The following LRP6 variants were observed in gnomAD, a reference collection of about 807,000 sequenced individuals.
The protein encoded by LRP6 is LDL receptor related protein 6, also known as low-density lipoprotein receptor-related protein 6.
A neutral mutation model predicts 184.1 loss-of-function variants in LRP6; 43 were observed. That is an observed-to-expected ratio of 0.23 (90% CI 0.18 to 0.30). LRP6 has a LOEUF of 0.30. Among genes scored for constraint, LRP6 ranks in the 10% least tolerant of loss-of-function variants. LRP6 has a pLI of 1.00. For synonymous variants in LRP6, 719 were observed against 684.9 expected (o/e 1.05, Z -0.78); for missense variants, 1,571 against 2,005.3 (o/e 0.78, Z 4.14).
chr12:12,204,279 CAAA>C (rs61067494), intron 2 of LRP6, among the ~76,000 whole-genome samples: 30 of 96,196 alleles, frequency 3.1e-4, no homozygotes, highest in Admixed American at 9.9e-4. Flanking sequence ...TCATAAAAGT[CAAA>C]AAAAAAAAAA....
intron 2 of LRP6, among the ~76,000 whole-genome samples, chr12:12,228,322 C>T (rs1864685496): frequency 6.6e-6 from 1 of 152,068 alleles, no homozygotes. Context: ...CCAGATCACA[C>T]CACTGCACAA....
chr12:12,121,159 T>C lies in LRP6; in HGVS notation c.4809A>G (p.Pro1603=). 6.2e-7 allele frequency: 1 copy of C among 1,612,498 alleles called. No individual in the cohort carries two copies. The highest frequency in any genetic ancestry group is 8.5e-7 in the Non-Finnish European group (1 of 1,179,440). ...AGTCTGTACAGGGAGAGGGTGGCGG[T>C]GGGTAGAGGTGATGAGAATAGCTCC... ...TERSYSHHLY[P]PPPSPCTDSS is the part of the protein sequence containing the mutation. The change falls in exon 23 of 23, where the codon CCA becomes CCG. Residue 1603 remains proline, a synonymous_variant. Coordinates refer to ENST00000261349, the MANE Select transcript of LRP6 (RefSeq NM_002336.3).
intron 2 of LRP6, among the ~76,000 whole-genome samples, chr12:12,226,177 T>C (rs1015945740): frequency 1.3e-5 from 2 of 152,180 alleles, no homozygotes; most frequent in African/African-American, 2.4e-5. Flanking sequence ...AACTGAAATA[T>C]AGTCATTGAA....
intron 22 of LRP6, among the ~76,000 whole-genome samples, chr12:12,123,854 G>A (rs1949636252): frequency 6.6e-6 from 1 of 152,198 alleles, no homozygotes; most frequent in Non-Finnish European, 1.5e-5. Flanking sequence ...AGCAATGGCT[G>A]AACTTACATT....
rs549655724 is a variant in LRP6, at chr12:12,132,992, C to A, written c.3734-935G>T. Among the ~76,000 whole-genome samples the A allele has an allele frequency of 3.9e-5, 6 of 152,286 alleles. No individual in the cohort carries two copies. In the East Asian group the frequency reaches 9.6e-4, roughly 24 times the overall value. On this transcript the variant is annotated intron_variant, in intron 17 of 22. Coordinates refer to ENST00000261349, the MANE Select transcript of LRP6 (RefSeq NM_002336.3). ...TGATGTGACCATAGGTCAGAAAACC[C>A]TGTAACTTTACAACAGAGAATATTG...
At chr12:12,231,851 C>T (rs1207036639) in intron 2 of LRP6, among the ~76,000 whole-genome samples, 2 of 151,832 alleles carry the variant, frequency 1.3e-5, no homozygotes, top group Non-Finnish European at 2.9e-5. Flanking sequence ...CCCATCTCTA[C>T]AAAAGATATG....
At chr12:12,238,779 C>A (rs1423379829) in intron 2 of LRP6, among the ~76,000 whole-genome samples, 3 of 152,058 alleles carry the variant, frequency 2.0e-5, no homozygotes, top group Non-Finnish European at 4.4e-5. Flanking sequence ...CAAAAGGAAG[C>A]TGAATCCAAA....
At chr12:12,236,963 T>G (rs1864945337) in intron 2 of LRP6, among the ~76,000 whole-genome samples, 1 of 152,092 alleles carries the variant, frequency 6.6e-6, no homozygotes, top group African/African-American at 2.4e-5. Flanking sequence ...ATTAGCTCTA[T>G]CTCCAGTCCC....
intron 2 of LRP6, among the ~76,000 whole-genome samples, chr12:12,232,548 G>A (rs1327325565): frequency 3.6e-5 from 5 of 140,034 alleles, no homozygotes; most frequent in African/African-American, 7.8e-5. Flanking sequence ...TAAAACACTC[G>A]AGGAAACATT....
intron 1 of LRP6, among the ~76,000 whole-genome samples, chr12:12,252,413 G>A (rs1865345567): frequency 6.6e-6 from 1 of 152,124 alleles, no homozygotes; most frequent in Admixed American, 6.6e-5. Context: ...CAAACGTTAT[G>A]GGTCATATGG....
chr12:12,206,500 G>A (rs1052591846), intron 2 of LRP6, among the ~76,000 whole-genome samples: 6 of 148,936 alleles, frequency 4.0e-5, no homozygotes, highest in African/African-American at 1.2e-4. Context: ...CGGAGATAGC[G>A]CCACTGCATT....
At chr12:12,163,020 G>C (rs1204395961) in intron 9 of LRP6, among the ~76,000 whole-genome samples, 4 of 152,126 alleles carry the variant, frequency 2.6e-5, no homozygotes, top group African/African-American at 9.7e-5. Context: ...CTGTCACCCA[G>C]GCTGGAGTGC....
At chr12:12,219,710 G>C (rs778979411) in intron 2 of LRP6, among the ~76,000 whole-genome samples, 1 of 152,160 alleles carries the variant, frequency 6.6e-6, no homozygotes, top group Admixed American at 6.6e-5. Flanking sequence ...CCTATGTTTG[G>C]AGAATTCTTC....
intron 4 of LRP6, among the ~76,000 whole-genome samples, chr12:12,185,108 C>T (rs2137000336): frequency 6.6e-6 from 1 of 152,114 alleles, no homozygotes; most frequent in South Asian, 2.1e-4. Context: ...CAGCCTGGGT[C>T]ACCAACATGG....
In LRP6 at chr12:12,181,294, G is replaced by A. The variant is rs749428689; in HGVS notation, c.1122C>T (p.Ile374=). ...AIDYDPVEGY[I]YWTDDEVRAI... ...CCCTCACTTCATCATCAGTCCAGTA[G>A]ATGTAGCCTTCCACAGGATCGTAAT... is the stretch of plus-strand genomic sequence containing the variant. The change falls in exon 6 of 23, where the codon ATC becomes ATT. Residue 374 remains isoleucine, a synonymous_variant. Transcript: ENST00000261349. 60 of 1,614,038 alleles carry A rather than the reference G, an allele frequency of 3.7e-5. No homozygotes were observed. The highest frequency in any genetic ancestry group is 5.0e-5 in the Non-Finnish European group (59 of 1,180,010).
intron 2 of LRP6, among the ~76,000 whole-genome samples, chr12:12,205,385 C>G (rs1177547193): frequency 7.5e-6 from 1 of 133,632 alleles, no homozygotes; most frequent in Non-Finnish European, 1.6e-5. Context: ...TGAAACAGAT[C>G]AGGCACTTAA....
At chr12:12,241,546 G>A (rs1356060591) in intron 2 of LRP6, among the ~76,000 whole-genome samples, 1 of 152,014 alleles carries the variant, frequency 6.6e-6, no homozygotes, top group South Asian at 2.1e-4. Context: ...CAGTTGAGTC[G>A]TTTTTAAAAT....
chr12:12,184,151 C>G (rs753143635), intron 4 of LRP6, 40 bp from the exon 5 acceptor site: 2 of 1,575,096 alleles, frequency 1.3e-6, no homozygotes, highest in African/African-American at 1.3e-5. Context: ...TCAATGATTA[C>G]TAAGTACACA....
chr12:12,239,045 C>G (rs1182352953), intron 2 of LRP6, among the ~76,000 whole-genome samples: 1 of 152,158 alleles, frequency 6.6e-6, no homozygotes, highest in African/African-American at 2.4e-5. Context: ...TCTCATTTAT[C>G]TTGGTCAAAG....
Sources: gnomAD v4.1 joint callset for allele counts (sites outside exome capture counted in the v4.1 genomes callset) on GRCh38, gnomAD v4.1.1 for gene constraint, MANE v1.5 for transcripts, NCBI Gene and HGNC (gene_info 2026-07-23, HGNC 2026-07-21) for gene names.